The following SREK1IP1 variants were observed in gnomAD, a reference collection of about 807,000 sequenced individuals.
The protein encoded by SREK1IP1 is SREK1 interacting protein 1.
In SREK1IP1, 12 loss-of-function variants were observed where a neutral mutation model predicts 22.8. The observed-to-expected ratio is 0.53, with a 90% confidence interval of 0.34 to 0.85. The LOEUF (loss-of-function observed/expected upper bound fraction) is 0.85. Ranked by LOEUF, SREK1IP1 falls within the 40% of genes least tolerant of loss-of-function variation. SREK1IP1 has a pLI of 0.02. For synonymous variants in SREK1IP1, 53 were observed against 52.7 expected (o/e 1.01, Z -0.02); for missense variants, 147 against 171.8 (o/e 0.86, Z 0.81).
intron 2 of SREK1IP1, 58 bp downstream of exon 2, chr5:64,754,255 CAA>C: frequency 6.5e-7 from 1 of 1,536,030 alleles, no homozygotes; most frequent in Middle Eastern, 1.7e-4. Context: ...TTATATTGCC[CAA>C]AGAGGCCATG....
intron 3 of SREK1IP1, among the ~76,000 whole-genome samples, chr5:64,732,430 G>C (rs559733767): frequency 2.0e-5 from 3 of 152,166 alleles, no homozygotes; most frequent in African/African-American, 7.2e-5. Context: ...ATTTTTATTA[G>C]CAACGAACAT....
intron 4 of SREK1IP1, among the ~76,000 whole-genome samples, chr5:64,726,350 C>T (rs1431009596): frequency 3.3e-5 from 5 of 151,698 alleles, no homozygotes; most frequent in South Asian, 2.1e-4. Flanking sequence ...CTGAGGCAGG[C>T]GGATCACAAG....
intron 1 of SREK1IP1, among the ~76,000 whole-genome samples, chr5:64,759,823 C>T (rs1425470961): frequency 6.6e-6 from 1 of 152,086 alleles, no homozygotes; most frequent in African/African-American, 2.4e-5. Flanking sequence ...TTATCAGAAT[C>T]GCAAAGATTG....
At chr5:64,768,467 C>A (rs773736234) in intron 1 of SREK1IP1, 38 bp downstream of exon 1, 3 of 1,614,042 alleles carry the variant, frequency 1.9e-6, no homozygotes, top group East Asian at 2.2e-5. Context: ...GCGCTCCCTT[C>A]GGAGCTCGGA....
intron 3 of SREK1IP1, among the ~76,000 whole-genome samples, chr5:64,731,660 C>A (rs776022393): frequency 1.3e-5 from 2 of 151,240 alleles, no homozygotes; most frequent in African/African-American, 2.4e-5. Context: ...TTTGCTAAGA[C>A]AATATGTTGA....
chr5:64,724,221 T>G lies in SREK1IP1; in HGVS notation c.*163A>C. The G allele has an allele frequency of 1.7e-6, 1 of 592,066 alleles. No individual in the cohort carries two copies. Among genetic ancestry groups the G allele is most frequent in the Non-Finnish European group, 2.9e-6 (1 of 346,280 alleles). 36.7% of individuals were successfully genotyped at this position (592,066 alleles called of 1,614,324 possible). A position where few individuals can be genotyped will look rare whatever the true frequency, so the allele number is the denominator to read the frequency against. Reference sequence around the variant, plus strand: ...TTAATACTTTACAGTTACAGCACATTAAAAATATATTGCCAGAGGGATAAT... The same window carrying G: ...TTAATACTTTACAGTTACAGCACATGAAAAATATATTGCCAGAGGGATAAT... On this transcript the variant is annotated 3_prime_UTR_variant, in exon 5 of 5. Transcript: ENST00000513458.
intron 2 of SREK1IP1, among the ~76,000 whole-genome samples, chr5:64,741,756 AAC>A (rs1304329671): frequency 6.6e-6 from 1 of 152,174 alleles, no homozygotes; most frequent in East Asian, 1.9e-4. Context: ...AGAAAACTAC[AAC>A]AGTTATCTAC....
At chr5:64,759,790 C>T (rs1742912963) in intron 1 of SREK1IP1, among the ~76,000 whole-genome samples, 1 of 152,112 alleles carries the variant, frequency 6.6e-6, no homozygotes, top group African/African-American at 2.4e-5. Context: ...ACACTAAAAA[C>T]TATACTGGGA....
chr5:64,758,689 C>A (rs1439996176), intron 1 of SREK1IP1, among the ~76,000 whole-genome samples: 3 of 152,178 alleles, frequency 2.0e-5, no homozygotes, highest in Non-Finnish European at 2.9e-5. Context: ...TGTAATAGAT[C>A]TGAAATAATC....
rs751051863 is a variant in SREK1IP1, at chr5:64,754,371, C to A, written c.14-9G>T. On this transcript the variant is annotated splice_polypyrimidine_tract_variant and intron_variant, in intron 1 of 4. Coordinates refer to ENST00000513458, the MANE Select transcript of SREK1IP1 (RefSeq NM_173829.4). ...ACTGTCCTTGTTGCAACCTGAAATA[C>A]AATTGGATAGAATTTTAGGAAGTAA... 1.9e-6 allele frequency: 3 copies of A among 1,613,154 alleles called. No homozygotes were observed. The South Asian group carries it at 3.3e-5, about 18-fold the overall frequency.
chr5:64,732,222 T>C (rs1011853953), intron 3 of SREK1IP1, among the ~76,000 whole-genome samples: 5 of 152,142 alleles, frequency 3.3e-5, no homozygotes, highest in Admixed American at 2.6e-4. Context: ...TTCTATACTA[T>C]TCAAGCAGAA....
intron 3 of SREK1IP1, among the ~76,000 whole-genome samples, chr5:64,739,237 C>G (rs1288078520): frequency 6.6e-6 from 1 of 152,112 alleles, no homozygotes; most frequent in African/African-American, 2.4e-5. Flanking sequence ...TGATATATGT[C>G]TGGGAACCAA....
chr5:64,752,538 C>T (rs2112106557), intron 2 of SREK1IP1, among the ~76,000 whole-genome samples: 1 of 152,200 alleles, frequency 6.6e-6, no homozygotes, highest in South Asian at 2.1e-4. Flanking sequence ...TCAAACTTAA[C>T]TCAAAACTTT....
At chr5:64,724,628 T>C (rs1742233248) in intron 4 of SREK1IP1, 55 bp from the exon 5 acceptor site, 1 of 1,336,850 alleles carries the variant, frequency 7.5e-7, no homozygotes, top group Non-Finnish European at 9.9e-7. Context: ...GATAGATAAA[T>C]TTAAGTGGGA....
chr5:64,736,136 T>C (rs1742458393), intron 3 of SREK1IP1, among the ~76,000 whole-genome samples: 1 of 152,224 alleles, frequency 6.6e-6, no homozygotes, highest in Admixed American at 6.5e-5. Context: ...TTACATTAAA[T>C]TATAAACATT....
chr5:64,725,122 C>A (rs1016944071), intron 4 of SREK1IP1, among the ~76,000 whole-genome samples: 5 of 152,162 alleles, frequency 3.3e-5, no homozygotes, highest in Admixed American at 1.3e-4. Flanking sequence ...CAGATGAATA[C>A]TTGCATTACA....
At chr5:64,743,630 T>C (rs1040368227) in intron 2 of SREK1IP1, among the ~76,000 whole-genome samples, 4 of 152,214 alleles carry the variant, frequency 2.6e-5, no homozygotes, top group Admixed American at 2.0e-4. Context: ...TGAGCAGCTG[T>C]AGACATCTCT....
chr5:64,768,473 T>C, intron 1 of SREK1IP1, 32 bp downstream of exon 1: 1 of 1,614,018 alleles, frequency 6.2e-7, no homozygotes, highest in Non-Finnish European at 8.5e-7. Flanking sequence ...CCTTCGGAGC[T>C]CGGACGCAGA....
intron 1 of SREK1IP1, among the ~76,000 whole-genome samples, chr5:64,761,547 C>A (rs1285859995): frequency 6.6e-6 from 1 of 152,156 alleles, no homozygotes; most frequent in Non-Finnish European, 1.5e-5. Flanking sequence ...TGTATTGATA[C>A]TACAAGCAGT....
Sources: gnomAD v4.1 joint callset for allele counts (sites outside exome capture counted in the v4.1 genomes callset) on GRCh38, gnomAD v4.1.1 for gene constraint, MANE v1.5 for transcripts, NCBI Gene and HGNC (gene_info 2026-07-23, HGNC 2026-07-21) for gene names.